The following CLEC16A variants were observed in gnomAD, a reference collection of about 807,000 sequenced individuals.
CLEC16A encodes C-type lectin domain containing 16A, also known as protein CLEC16A.
In CLEC16A, 51 loss-of-function variants were observed where a neutral mutation model predicts 109.5. The ratio of observed to expected loss-of-function variants is 0.47; its 90% CI spans 0.37 to 0.59. The LOEUF (loss-of-function observed/expected upper bound fraction) is 0.59. Among genes scored for constraint, CLEC16A ranks in the 20% least tolerant of loss-of-function variants. The pLI, the probability that CLEC16A is intolerant of heterozygous loss-of-function variation, is 0.00. For synonymous variants in CLEC16A, 673 were observed against 564.2 expected, an observed-to-expected ratio of 1.19 and a Z score of -2.73; for missense variants, 1,339 against 1,394.0, an observed-to-expected ratio of 0.96 and a Z score of 0.63.
intron 18 of CLEC16A, among the ~76,000 whole-genome samples, chr16:11,051,953 A>T (rs741176): frequency 7.5e-4 from 114 of 152,140 alleles, no homozygotes; most frequent in African/African-American, 2.5e-3. Flanking sequence ...TCTGTGAACC[A>T]TCGGGGGTGA....
In CLEC16A at chr16:11,024,818, C is replaced by G. The variant is rs1459148614; in HGVS notation, c.1437-3C>G. On this transcript the variant is annotated splice_region_variant and splice_polypyrimidine_tract_variant and intron_variant, in intron 12 of 23. Coordinates refer to ENST00000409790, the MANE Select transcript of CLEC16A (RefSeq NM_015226.3). ...GCTCATACATGCCCCTCCTCTTTTC[C>G]AGACCCTTCCTGGATATGGTGTACC... is the stretch of plus-strand genomic sequence containing the variant. 1.3e-6 allele frequency: 2 copies of G among 1,592,454 alleles called. No individual in the cohort carries two copies. Among genetic ancestry groups the G allele is most frequent in the East Asian group, 4.5e-5 (2 of 44,110 alleles).
intron 19 of CLEC16A, among the ~76,000 whole-genome samples, chr16:11,067,821 G>C (rs1162802452): frequency 6.6e-6 from 1 of 152,232 alleles, no homozygotes; most frequent in Non-Finnish European, 1.5e-5. Flanking sequence ...TTGCCCCAGA[G>C]ACTTGTCTTG....
At chr16:10,950,814 G>C (rs1567490358) in intron 1 of CLEC16A, among the ~76,000 whole-genome samples, 1 of 152,128 alleles carries the variant, frequency 6.6e-6, no homozygotes, top group East Asian at 1.9e-4. Context: ...GGAGCTGTGT[G>C]GACATTGGGG....
intron 22 of CLEC16A, among the ~76,000 whole-genome samples, chr16:11,131,231 T>C (rs1053472538): frequency 6.6e-6 from 1 of 152,206 alleles, no homozygotes; most frequent in African/African-American, 2.4e-5. Flanking sequence ...GCCATGTTGC[T>C]GTGGTTAGTG....
At chr16:10,985,267 A>G (rs2043573952) in intron 10 of CLEC16A, among the ~76,000 whole-genome samples, 1 of 150,782 alleles carries the variant, frequency 6.6e-6, no homozygotes, top group African/African-American at 2.4e-5. Context: ...TGGGTTGCAA[A>G]CTGGCCACCA....
intron 9 of CLEC16A, among the ~76,000 whole-genome samples, chr16:10,982,329 T>A (rs2146712952): frequency 6.6e-6 from 1 of 152,274 alleles, no homozygotes; most frequent in Middle Eastern, 3.4e-3. Flanking sequence ...GTAGTTCACA[T>A]ACCTCCTGAC....
intron 10 of CLEC16A, 94 bp downstream of exon 10, chr16:10,983,085 A>T (rs902425033): frequency 4.0e-5 from 29 of 722,288 alleles, no homozygotes; most frequent in South Asian, 1.4e-4. Context: ...TAACATTCTG[A>T]ATATATAGCA....
At chr16:10,983,481 T>A (rs1197504938) in intron 10 of CLEC16A, among the ~76,000 whole-genome samples, 1 of 152,224 alleles carries the variant, frequency 6.6e-6, no homozygotes, top group East Asian at 1.9e-4. Context: ...TACTAGGTTT[T>A]TTCATGTTTC....
At chr16:10,979,272 G>C in intron 8 of CLEC16A, 57 bp from the exon 9 acceptor site, 1 of 1,522,984 alleles carries the variant, frequency 6.6e-7, no homozygotes. Flanking sequence ...TGTGTATTTT[G>C]TGCTGCTCGC....
intron 13 of CLEC16A, among the ~76,000 whole-genome samples, chr16:11,025,977 T>C: frequency 6.6e-6 from 1 of 152,232 alleles, no homozygotes; most frequent in South Asian, 2.1e-4. Context: ...GAGATACCCA[T>C]ATTGTGCTTT....
intron 10 of CLEC16A, among the ~76,000 whole-genome samples, chr16:10,988,863 G>A (rs1448673731): frequency 6.6e-6 from 1 of 152,192 alleles, no homozygotes; most frequent in Non-Finnish European, 1.5e-5. Context: ...TATGTACACA[G>A]CAAGTGCATA....
chr16:10,967,607 CTTGCA>C (rs1449979956), intron 3 of CLEC16A, among the ~76,000 whole-genome samples: 2 of 152,178 alleles, frequency 1.3e-5, no homozygotes, highest in Non-Finnish European at 2.9e-5. Context: ...TTATCGAGTG[CTTGCA>C]TTGCGGCCCA....
intron 22 of CLEC16A, among the ~76,000 whole-genome samples, chr16:11,164,403 C>A (rs2054831023): frequency 6.6e-6 from 1 of 152,328 alleles, no homozygotes; most frequent in Non-Finnish European, 1.5e-5. Context: ...GTGGAAATAG[C>A]CCCTCCTTGA....
At chr16:10,992,783 T>C (rs78713180) in intron 10 of CLEC16A, among the ~76,000 whole-genome samples, 353 of 152,186 alleles carry the variant, frequency 2.3e-3, no homozygotes, top group African/African-American at 8.2e-3. Context: ...TGATGATCTA[T>C]TTGTGGGGGA....
intron 12 of CLEC16A, among the ~76,000 whole-genome samples, chr16:11,021,662 G>A (rs548177569): frequency 6.6e-6 from 1 of 152,290 alleles, no homozygotes; most frequent in South Asian, 2.1e-4. Context: ...GCCGGGCATG[G>A]TGGCAGGTGC....
intron 1 of CLEC16A, among the ~76,000 whole-genome samples, chr16:10,950,002 A>G (rs567801173): frequency 5.9e-5 from 9 of 152,300 alleles, no homozygotes; most frequent in Admixed American, 5.9e-4. Flanking sequence ...TCAGCCAACA[A>G]GAGTTTTGCT....
intron 19 of CLEC16A, among the ~76,000 whole-genome samples, chr16:11,106,127 A>G (rs77139737): frequency 6.6e-6 from 1 of 152,254 alleles, no homozygotes; most frequent in Admixed American, 6.5e-5. Context: ...CCTTGTGTCA[A>G]ATCTGTTGTA....
intron 23 of CLEC16A, among the ~76,000 whole-genome samples, chr16:11,176,216 C>G (rs539540216): frequency 6.6e-6 from 1 of 152,226 alleles, no homozygotes; most frequent in Non-Finnish European, 1.5e-5. Context: ...GCACCGCAAG[C>G]CATCCTTACT....
chr16:11,054,932 CTTTTTT>C (rs151109740), intron 18 of CLEC16A, among the ~76,000 whole-genome samples: 3 of 130,616 alleles, frequency 2.3e-5, no homozygotes, highest in East Asian at 2.2e-4. Flanking sequence ...GGTTTTCTTT[CTTTTTT>C]TTTTTTTTTT....
Sources: allele counts gnomAD v4.1 joint callset (sites outside exome capture counted in the v4.1 genomes callset), GRCh38; gene constraint gnomAD v4.1.1; transcripts MANE v1.5; gene names NCBI Gene and HGNC (gene_info 2026-07-23, HGNC 2026-07-21).